SWT1: variants seen among roughly 807,000 people sequenced by gnomAD.
The protein encoded by SWT1 is transcriptional protein SWT1.
In SWT1, 33 loss-of-function variants were observed where a neutral mutation model predicts 107.3. The observed-to-expected ratio is 0.31, with a 90% confidence interval of 0.23 to 0.41. The LOEUF (loss-of-function observed/expected upper bound fraction) is 0.41, where lower values mean the gene tolerates loss of function less well. SWT1 is among the 10% of genes least tolerant of loss of function. The pLI is 1.00. For missense variants in SWT1, 898 were observed against 1,028.9 expected (o/e 0.87, Z 1.74); for synonymous variants, 345 against 348.3 (o/e 0.99, Z 0.11).
chr1:185,221,813 A>G (rs778270411), intron 14 of SWT1, 36 bp from the exon 15 acceptor site: 6 of 1,423,024 alleles, frequency 4.2e-6, no homozygotes, highest in Non-Finnish European at 5.6e-6. Flanking sequence ...GCAAATGAAG[A>G]ACTAGCTGCA....
intron 6 of SWT1, 94 bp downstream of exon 6, chr1:185,180,544 T>C (rs1655936816): frequency 5.7e-6 from 5 of 877,062 alleles, no homozygotes; most frequent in Non-Finnish European, 9.2e-6. Context: ...ACCCTGATAA[T>C]ATGAAAATAA....
chr1:185,219,260 G>A (rs1344865289), intron 14 of SWT1, among the ~76,000 whole-genome samples: 1 of 152,110 alleles, frequency 6.6e-6, no homozygotes, highest in East Asian at 1.9e-4. Context: ...TCCTGTTCAT[G>A]CCTTTTATCA....
intron 4 of SWT1, among the ~76,000 whole-genome samples, chr1:185,170,519 A>T (rs148333752): frequency 1.3e-5 from 2 of 152,176 alleles, no homozygotes; most frequent in Non-Finnish European, 2.9e-5. Flanking sequence ...GCCCCCATTC[A>T]GGAGAGCCTC....
intron 16 of SWT1, among the ~76,000 whole-genome samples, chr1:185,237,075 G>A (rs1558064160): frequency 6.6e-6 from 1 of 152,220 alleles, no homozygotes; most frequent in Non-Finnish European, 1.5e-5. Flanking sequence ...TGGAGAGGAT[G>A]TGGAGAAATA....
intron 6 of SWT1, among the ~76,000 whole-genome samples, chr1:185,181,662 AG>A (rs1656028901): frequency 6.6e-6 from 1 of 152,242 alleles, no homozygotes; most frequent in African/African-American, 2.4e-5. Context: ...AAAATCCTAA[AG>A]GAAATAGATA....
intron 16 of SWT1, among the ~76,000 whole-genome samples, chr1:185,234,314 A>G (rs1418221140): frequency 3.3e-5 from 5 of 152,172 alleles, no homozygotes; most frequent in Admixed American, 3.3e-4. Flanking sequence ...TTGGGTACAG[A>G]TGTATTTAGG....
chr1:185,219,093 A>G (rs1474756233), intron 14 of SWT1, among the ~76,000 whole-genome samples: 1 of 152,234 alleles, frequency 6.6e-6, no homozygotes, highest in Non-Finnish European at 1.5e-5. Context: ...ATTTATGTCT[A>G]TTCATTAAAT....
At chr1:185,220,809 T>C (rs981755330) in intron 14 of SWT1, among the ~76,000 whole-genome samples, 2 of 152,180 alleles carry the variant, frequency 1.3e-5, no homozygotes, top group South Asian at 4.1e-4. Flanking sequence ...GCTACTACAC[T>C]ATAATATGTG....
chr1:185,279,943 CTG>C (rs1664512378), intron 18 of SWT1, among the ~76,000 whole-genome samples: 2 of 151,834 alleles, frequency 1.3e-5, no homozygotes, highest in African/African-American at 4.8e-5. Flanking sequence ...AACAAGGAAA[CTG>C]TTGATGTGCC....
intron 2 of SWT1, among the ~76,000 whole-genome samples, chr1:185,164,173 C>CTTT (rs573365086): frequency 7.0e-6 from 1 of 143,528 alleles, no homozygotes. Flanking sequence ...TGAAAGGAAT[C>CTTT]TTTTTTTTTT....
At chr1:185,182,299 A>G (rs1000960485) in intron 7 of SWT1, among the ~76,000 whole-genome samples, 2 of 152,162 alleles carry the variant, frequency 1.3e-5, no homozygotes, top group African/African-American at 4.8e-5. Flanking sequence ...AGAGGTAGTA[A>G]TTAGAATTAT....
rs373716429 is a variant in SWT1 at position 185,210,910 on chromosome 1, CAGAG to C, written c.1973-3594_1973-3591del. 2.6e-3 allele frequency among the ~76,000 whole-genome samples: 395 copies of C among 152,236 alleles called. 2 individuals carry two copies. Among genetic ancestry groups the C allele is most frequent in the East Asian group, 0.013 (69 of 5,180 alleles). On this transcript the variant is annotated intron_variant, in intron 13 of 18. Coordinates refer to ENST00000367500, the MANE Select transcript of SWT1 (RefSeq NM_017673.7). ...TTCCAATAAACCAAGAACAGACAAA[CAGAG>C]AGCCAAATCATGCGTGAACTGCCAT...
chr1:185,268,035 T>A (rs778149838), intron 16 of SWT1, among the ~76,000 whole-genome samples: 2 of 152,178 alleles, frequency 1.3e-5, no homozygotes, highest in African/African-American at 4.8e-5. Flanking sequence ...ATATTCAGAG[T>A]TCATAGGATG....
intron 10 of SWT1, among the ~76,000 whole-genome samples, chr1:185,199,040 C>T (rs926789567): frequency 5.3e-5 from 8 of 151,148 alleles, no homozygotes; most frequent in South Asian, 4.2e-4. Flanking sequence ...TGGGTTCATG[C>T]GATTCTCCTG....
At chr1:185,245,737 A>C (rs75780463) in intron 16 of SWT1, among the ~76,000 whole-genome samples, 1 of 151,562 alleles carries the variant, frequency 6.6e-6, no homozygotes, top group East Asian at 1.9e-4. Flanking sequence ...CTCTAGTATA[A>C]TTTTTTTCCA....
Position 185,290,685 on chromosome 1 carries a change from C to A in SWT1, c.2585C>A (p.Thr862Asn). The part of the protein sequence containing the change: ...VSQTEYREKL[T>N]IGCRQLVEME... ...TCTTTTTCTCCTAGGGAAAAGTTAA[C>A]CATTGGATGCCGCCAGCTGGTTGAG... Residue 862 changes from threonine (T) to asparagine (N), a missense_variant, in exon 19 of 19, where the codon ACC (threonine) becomes AAC (asparagine). Transcript: ENST00000367500. 6.3e-7 allele frequency: 1 copy of A among 1,575,588 alleles called. No individual in the cohort carries two copies. The highest frequency in any genetic ancestry group is 8.6e-7 in the Non-Finnish European group (1 of 1,158,154).
At chr1:185,201,687 TTCC>T (rs770888060) in intron 10 of SWT1, among the ~76,000 whole-genome samples, 15 of 152,278 alleles carry the variant, frequency 9.9e-5, no homozygotes, top group Admixed American at 3.3e-4. Context: ...ACTGGAGCTG[TTCC>T]TATTCTGCCA....
chr1:185,204,411 A>G (rs1658142194), intron 11 of SWT1, among the ~76,000 whole-genome samples: 1 of 152,212 alleles, frequency 6.6e-6, no homozygotes, highest in Non-Finnish European at 1.5e-5. Flanking sequence ...ATTAAATTGT[A>G]GTTGAAATAT....
At chr1:185,266,201 C>T (rs1449662906) in intron 16 of SWT1, among the ~76,000 whole-genome samples, 10 of 152,030 alleles carry the variant, frequency 6.6e-5, no homozygotes, top group African/African-American at 1.9e-4. Flanking sequence ...ATAGCTGGGA[C>T]TACAGGCGCC....
Sources: allele counts gnomAD v4.1 joint callset (sites outside exome capture counted in the v4.1 genomes callset), GRCh38; gene constraint gnomAD v4.1.1; transcripts MANE v1.5; gene names NCBI Gene and HGNC (gene_info 2026-07-23, HGNC 2026-07-21).